The following MAN2A2 variants were observed in gnomAD, a reference collection of about 807,000 sequenced individuals.
The protein encoded by MAN2A2 is mannosidase alpha class 2A member 2.
Under a neutral mutation model 126.8 loss-of-function variants are expected in MAN2A2, and 79 were observed. The ratio of observed to expected loss-of-function variants is 0.62; its 90% CI spans 0.52 to 0.75. The LOEUF (loss-of-function observed/expected upper bound fraction) is 0.75. Ranked by LOEUF, MAN2A2 falls within the 30% of genes least tolerant of loss-of-function variation. The pLI is 0.00. For synonymous variants in MAN2A2, 671 were observed against 618.7 expected, an observed-to-expected ratio of 1.08 and a Z score of -1.25; for missense variants, 1,392 against 1,522.4, an observed-to-expected ratio of 0.91 and a Z score of 1.43.
intron 8 of MAN2A2, among the ~76,000 whole-genome samples, chr15:90,908,916 C>T (rs2151302037): frequency 6.6e-6 from 1 of 152,242 alleles, no homozygotes; most frequent in Non-Finnish European, 1.5e-5. Context: ...ATATGGGTAC[C>T]TACGGATGTT....
rs753851081 is a variant in MAN2A2 at position 90,910,084 on chromosome 15, C to T, written c.1375-6C>T. On this transcript the variant is annotated splice_region_variant and splice_polypyrimidine_tract_variant and intron_variant, in intron 9 of 22. Transcript: ENST00000559717. Reference sequence around the variant, plus strand: ...TGATGGGAGTGGGTTTTTGGGGTTCCCACAGGCCCAGTTTGGCACTCTTTC... The same window carrying T: ...TGATGGGAGTGGGTTTTTGGGGTTCTCACAGGCCCAGTTTGGCACTCTTTC... The T allele has an allele frequency of 6.2e-7, 1 of 1,607,432 alleles. No homozygotes were observed. The highest frequency in any genetic ancestry group is 8.5e-7 in the Non-Finnish European group (1 of 1,176,488).
At chr15:90,918,881 G>A (rs1020674762) in intron 22 of MAN2A2, 126 bp downstream of exon 22, 2 of 702,208 alleles carry the variant, frequency 2.8e-6, no homozygotes, top group Admixed American at 4.6e-5. Context: ...GAGAAGGGGG[G>A]AAGCTGTAGA....
At chr15:90,911,118 G>A in intron 12 of MAN2A2, 53 bp from the exon 13 acceptor site, 1 of 1,585,212 alleles carries the variant, frequency 6.3e-7, no homozygotes, top group Non-Finnish European at 8.7e-7. Context: ...CAGGTGGGGT[G>A]GGAGGAGGCT....
chr15:90,919,668 G>T lies in MAN2A2; in HGVS notation c.3334G>T (p.Val1112Leu), dbSNP rs769698691. The change falls in exon 23 of 23, where the codon GTG becomes TTG. Residue 1112 changes from valine (V) to leucine (L), a missense_variant. By Grantham distance (32) the Val-to-Leu change is conservative. Coordinates refer to ENST00000559717, the MANE Select transcript of MAN2A2 (RefSeq NM_006122.4). ...GGGCAGCCTTTTCCATGGCCTGGAT[G>T]TGGTATTCCTTCAGCCAACCTCCTT... is the stretch of plus-strand genomic sequence containing the variant. The part of the protein sequence containing the change: ...ALGSLFHGLD[V>L]VFLQPTSLTL... 1.2e-6 allele frequency: 2 copies of T among 1,614,218 alleles called. No individual in the cohort carries two copies. Among genetic ancestry groups the T allele is most frequent in the Non-Finnish European group, 1.7e-6 (2 of 1,180,032 alleles).
At chr15:90,918,822 A>T in intron 22 of MAN2A2, 67 bp downstream of exon 22, 1 of 1,132,278 alleles carries the variant, frequency 8.8e-7, no homozygotes, top group East Asian at 2.5e-5. Context: ...CTGGGCTGAG[A>T]TTCGGTGACA....
At position 90,912,637 on chromosome 15, in the gene MAN2A2, C is replaced by A; in HGVS notation, c.2442C>A (p.Tyr814Ter). 1 of 1,614,176 alleles carries A rather than the reference C, an allele frequency of 6.2e-7. No homozygotes were observed. The highest frequency in any genetic ancestry group is 8.5e-7 in the Non-Finnish European group (1 of 1,180,020). Residue 814 changes from tyrosine to a stop codon, truncating the protein, a stop_gained, in exon 16 of 23, where the codon TAC (tyrosine) becomes TAA (stop). Transcript: ENST00000559717. LOFTEE classifies it high-confidence loss of function. Reference protein sequence around the residue: ...TRTSKDKSGAYLFLPDGEAKP... With the variant: ...TRTSKDKSGA ...CGTCCAAAGACAAGAGTGGAGCCTA[C>A]CTCTTCCTGCCCGATGGCGAGGCCA... is the stretch of plus-strand genomic sequence containing the variant.
At position 90,912,885 on chromosome 15, in the gene MAN2A2, C is replaced by A. The variant is rs776659531; in HGVS notation, c.2478C>A (p.Val826=). 1.2e-6 allele frequency: 2 copies of A among 1,613,674 alleles called. No homozygotes were observed. The highest frequency in any genetic ancestry group is 2.2e-5 in the East Asian group (1 of 44,874). Residue 826 remains valine (V), a synonymous_variant, in exon 17 of 23, where the codon GTC becomes GTA. Coordinates refer to ENST00000559717, the MANE Select transcript of MAN2A2 (RefSeq NM_006122.4). The part of the protein sequence containing the change: ...FLPDGEAKPY[V]PKEPPVLRVT... ...ATCTGCTCTTTCTCTAGCCCTACGTCCCCAAGGAGCCCCCCGTGCTGCGTG... is the reference window on the plus strand; with the variant it reads ...ATCTGCTCTTTCTCTAGCCCTACGTACCCAAGGAGCCCCCCGTGCTGCGTG...
At chr15:90,911,938 A>T in intron 14 of MAN2A2, 105 bp from the exon 15 acceptor site, 1 of 900,788 alleles carries the variant, frequency 1.1e-6, no homozygotes, top group Non-Finnish European at 1.7e-6. Context: ...GCAGAGGCCC[A>T]GCGGGTGCAG....
rs140005280 is a variant in MAN2A2 at position 90,911,208 on chromosome 15, G to T, written c.1913G>T (p.Arg638Leu). The change falls in exon 13 of 23, where the codon CGC becomes CTC. Residue 638 changes from arginine (R) to leucine (L), a missense_variant. Physicochemically the swap from Arg to Leu is moderately radical, Grantham distance 102. Coordinates refer to ENST00000559717, the MANE Select transcript of MAN2A2 (RefSeq NM_006122.4). ...TTAAGTCACGACGCCCTCCCAGAGCGCACGGTGATCCAGCTGGATTCCTCG... is the reference window on the plus strand; with the variant it reads ...TTAAGTCACGACGCCCTCCCAGAGCTCACGGTGATCCAGCTGGATTCCTCG... ...TRLSHDALPERTVIQLDSSPR... is the reference protein window; with the variant it reads ...TRLSHDALPELTVIQLDSSPR... 3.7e-6 allele frequency: 6 copies of T among 1,614,022 alleles called. No individual in the cohort carries two copies. The Admixed American group carries it at 8.3e-5, about 22-fold the overall frequency.
chr15:90,912,337 T>G, intron 15 of MAN2A2, 58 bp downstream of exon 15: 1 of 1,594,230 alleles, frequency 6.3e-7, no homozygotes, highest in Non-Finnish European at 8.6e-7. Flanking sequence ...TGTGTGGTGG[T>G]GGCACTGTGC....
chr15:90,910,000 G>A, intron 9 of MAN2A2, 90 bp from the exon 10 acceptor site: 1 of 1,147,648 alleles, frequency 8.7e-7, no homozygotes, highest in Non-Finnish European at 1.2e-6. Flanking sequence ...TGAGGCCAGA[G>A]CCCCTGCCTC....
At chr15:90,913,794 A>T (rs1462528775) in intron 19 of MAN2A2, 39 bp downstream of exon 19, 1 of 1,547,668 alleles carries the variant, frequency 6.5e-7, no homozygotes, top group East Asian at 2.4e-5. Context: ...GGTATCAGAC[A>T]AAAAGAAGCC....
In MAN2A2 at chr15:90,919,887, C is replaced by T. The variant is rs2151334956; in HGVS notation, c.*100C>T. On this transcript the variant is annotated 3_prime_UTR_variant, in exon 23 of 23. Transcript: ENST00000559717. ...ACGGGTATCCCATCCCGATCTGCCT[C>T]CCAGAACTGTGACACACTGGGCTCT... The T allele has an allele frequency of 1.4e-6, 2 of 1,395,100 alleles. No homozygotes were observed. The highest frequency in any genetic ancestry group is 2.0e-6 in the Non-Finnish European group (2 of 1,009,468). The allele number at this position is 1,395,100 out of a possible 1,614,324, so 86.4% of individuals were successfully genotyped here. A position where few individuals can be genotyped will look rare whatever the true frequency, so the allele number is the denominator to read the frequency against.
chr15:90,907,213 G>A (rs755875105), intron 7 of MAN2A2, 96 bp from the exon 8 acceptor site: 27 of 1,248,086 alleles, frequency 2.2e-5, no homozygotes, highest in Admixed American at 3.7e-5. Context: ...ACAGCCTCGC[G>A]GTCTATCAGG....
At chr15:90,911,709 C>T in intron 14 of MAN2A2, 159 bp downstream of exon 14, 4 of 786,266 alleles carry the variant, frequency 5.1e-6, no homozygotes, top group Non-Finnish European at 5.9e-6. Flanking sequence ...GACAGGCACT[C>T]TTGGGATTTG....
rs2034300519 is a variant in MAN2A2 at position 90,906,529 on chromosome 15, CCCTGG to C, written c.835+33_835+37del. ...CCAGGCCCAGGCATGGGGGTCTGCC[CCCTGG>C]GCTGTAAGGCACAGGCAGGGGCTGT... On this transcript the variant is annotated intron_variant, in intron 6 of 22. Coordinates refer to ENST00000559717, the MANE Select transcript of MAN2A2 (RefSeq NM_006122.4). 5.0e-6 allele frequency: 8 copies of C among 1,613,950 alleles called. No individual in the cohort carries two copies. In the East Asian group the frequency reaches 1.1e-4, roughly 22 times the overall value.
Position 90,905,463 on chromosome 15 carries a change from C to G in MAN2A2, c.345C>G (p.Asp115Glu). The G allele has an allele frequency of 6.2e-7, 1 of 1,613,996 alleles. No homozygotes were observed. Among genetic ancestry groups the G allele is most frequent in the East Asian group, 2.2e-5 (1 of 44,886 alleles). ...RPSFFSISPQDCQFALGGRGQ... is the reference protein window; with the variant it reads ...RPSFFSISPQECQFALGGRGQ... ...GCTTCTTCTCCATCTCCCCGCAGGA[C>G]TGCCAGTTTGCTTTGGGGGGCCGGG... The change falls in exon 3 of 23, where the codon GAC (aspartate) becomes GAG (glutamate). Residue 115 changes from aspartate (D) to glutamate (E), a missense_variant. Coordinates refer to ENST00000559717, the MANE Select transcript of MAN2A2 (RefSeq NM_006122.4).
rs1456783010 is a variant in MAN2A2, at chr15:90,905,390, A to G, written c.272A>G (p.Tyr91Cys). ...NAEGPPAMLP[Y>C]YTVNGSWVVP... Reference sequence around the variant, plus strand: ...GAGGGCCCGCCCGCCATGCTGCCCTACTACACGGTCAATGGCTCCTGGGTG... The same window carrying G: ...GAGGGCCCGCCCGCCATGCTGCCCTGCTACACGGTCAATGGCTCCTGGGTG... The change falls in exon 3 of 23, where the codon TAC (tyrosine) becomes TGC (cysteine). Residue 91 changes from tyrosine to cysteine, a missense_variant. Physicochemically the swap from Tyr to Cys is radical, Grantham distance 194 (BLOSUM62 -2). Coordinates refer to ENST00000559717, the MANE Select transcript of MAN2A2 (RefSeq NM_006122.4). The G allele has an allele frequency of 1.2e-6, 2 of 1,613,896 alleles. No homozygotes were observed. Among genetic ancestry groups the G allele is most frequent in the South Asian group, 2.2e-5 (2 of 91,078 alleles).
In MAN2A2 at chr15:90,905,362, G is replaced by A. The variant is rs759173352; in HGVS notation, c.244G>A (p.Ala82Thr). ...CTCCGTGCTGGAGCTGACAGCCAAC[G>A]CAGAGGGCCCGCCCGCCATGCTGCC... ...KDSVLELTAN[A>T]EGPPAMLPYY... Residue 82 changes from alanine to threonine, a missense_variant, in exon 3 of 23, where the codon GCA becomes ACA. Physicochemically the swap from Ala to Thr is moderately conservative, Grantham distance 58. Transcript: ENST00000559717. 5.0e-6 allele frequency: 8 copies of A among 1,613,688 alleles called. No homozygotes were observed. The highest frequency in any genetic ancestry group is 3.3e-5 in the South Asian group (3 of 91,092).
Sources: gnomAD v4.1 joint callset for allele counts (sites outside exome capture counted in the v4.1 genomes callset) on GRCh38, gnomAD v4.1.1 for gene constraint, MANE v1.5 for transcripts, NCBI Gene and HGNC (gene_info 2026-07-23, HGNC 2026-07-21) for gene names.